Variants in CACHD1 observed in about 807,000 individuals in gnomAD.
CACHD1 encodes VWFA and cache domain-containing protein 1.
Under a neutral mutation model 138.7 loss-of-function variants are expected in CACHD1, and 71 were observed. The ratio of observed to expected loss-of-function variants is 0.51; its 90% CI spans 0.42 to 0.62. CACHD1 has a LOEUF of 0.62. Ranked by LOEUF, CACHD1 falls within the 20% of genes least tolerant of loss-of-function variation. The probability of loss-of-function intolerance (pLI) is 0.00; values close to 1 mark genes in which losing one functional copy is unlikely to be tolerated. For missense variants in CACHD1, 1,389 were observed against 1,625.3 expected, an observed-to-expected ratio of 0.85 and a Z score of 2.50; for synonymous variants, 578 against 591.5, an observed-to-expected ratio of 0.98 and a Z score of 0.33.
chr1:64,671,054 C>T (rs150282568), intron 16 of CACHD1, among the ~76,000 whole-genome samples: 43 of 152,224 alleles, frequency 2.8e-4, no homozygotes, highest in Middle Eastern at 3.4e-3. Flanking sequence ...TAGAGTCAAC[C>T]TTAATGTTGT....
chr1:64,594,824 C>CT (rs1557510731), intron 3 of CACHD1, among the ~76,000 whole-genome samples: 1 of 152,180 alleles, frequency 6.6e-6, no homozygotes, highest in African/African-American at 2.4e-5. Flanking sequence ...GAAAAGCAAC[C>CT]TTTTTGTGCA....
Position 64,673,378 on chromosome 1 carries a change from C to T in CACHD1, c.2641C>T (p.His881Tyr), listed in dbSNP as rs147667533. The T allele has an allele frequency of 6.2e-7, 1 of 1,614,124 alleles. No homozygotes were observed. The highest frequency in any genetic ancestry group is 8.5e-7 in the Non-Finnish European group (1 of 1,180,000). Residue 881 changes from histidine (H) to tyrosine (Y), a missense_variant, in exon 19 of 27, where the codon CAC (histidine) becomes TAC (tyrosine). Coordinates refer to ENST00000651257, the MANE Select transcript of CACHD1 (RefSeq NM_020925.4). ...CCTGGTAGCAAATGATATCCTCAAC[C>T]ACCCCAACTTTGTAAAGAAAAACCT... is the stretch of plus-strand genomic sequence containing the variant. ...EPLVANDILN[H>Y]PNFVKKNLCN... is the part of the protein sequence containing the mutation.
rs1292087863 is a variant in CACHD1 at position 64,643,035 on chromosome 1, CTAAAAA to C, written c.1156+1067_1156+1072del. On this transcript the variant is annotated intron_variant, in intron 8 of 26. Coordinates refer to ENST00000651257, the MANE Select transcript of CACHD1 (RefSeq NM_020925.4). ...GCCTGGTGACAGAGCAAGACTCTGT[CTAAAAA>C]AAAAAAAAAAAAAAAAAAAAAAAAA... Among the ~76,000 whole-genome samples, 11 of 41,484 alleles carry C rather than the reference CTAAAAA, an allele frequency of 2.7e-4. 1 individual carries two copies. Among genetic ancestry groups the C allele is most frequent in the African/African-American group, 1.4e-3 (11 of 7,924 alleles). 27.2% of individuals were successfully genotyped at this position (41,484 alleles called of 152,430 possible).
At position 64,567,824 on chromosome 1, in the gene CACHD1, A is replaced by G. The variant is rs569159018; in HGVS notation, c.262-14332A>G. On this transcript the variant is annotated intron_variant, in intron 2 of 26. Coordinates refer to ENST00000651257, the MANE Select transcript of CACHD1 (RefSeq NM_020925.4). ...ATAAATAATATGTCTAAACAATGTAAGTACTATGATGAAAACTTAGCTGCT... is the reference window on the plus strand; with the variant it reads ...ATAAATAATATGTCTAAACAATGTAGGTACTATGATGAAAACTTAGCTGCT... 2.0e-5 allele frequency among the ~76,000 whole-genome samples: 3 copies of G among 152,330 alleles called. No individual in the cohort carries two copies. In the East Asian group the frequency reaches 5.8e-4, roughly 29 times the overall value.
chr1:64,633,229 A>C, intron 6 of CACHD1, among the ~76,000 whole-genome samples: 1 of 152,214 alleles, frequency 6.6e-6, no homozygotes, highest in Middle Eastern at 3.2e-3. Context: ...AAACCATTGT[A>C]TGTCAGGGAC....
At chr1:64,516,379 G>C (rs1052085451) in intron 1 of CACHD1, among the ~76,000 whole-genome samples, 2 of 152,138 alleles carry the variant, frequency 1.3e-5, no homozygotes, top group African/African-American at 4.8e-5. Flanking sequence ...CTGTTTTGCT[G>C]ATCTGCCTCA....
intron 2 of CACHD1, among the ~76,000 whole-genome samples, chr1:64,564,875 G>C (rs7515685): frequency 0.76 from 114,606 of 151,366 alleles, 46,178 homozygotes; most frequent in Non-Finnish European, 0.89. Flanking sequence ...AAGAAAGCTT[G>C]AGTGTGTTCT....
chr1:64,515,786 T>C (rs1646454352), intron 1 of CACHD1, among the ~76,000 whole-genome samples: 1 of 152,154 alleles, frequency 6.6e-6, no homozygotes, highest in African/African-American at 2.4e-5. Flanking sequence ...GAAATTAAAC[T>C]AACATGCTAA....
chr1:64,648,065 A>AGGGGAAAAGAG (rs1257702975), intron 9 of CACHD1, 31 bp downstream of exon 9: 17 of 1,538,488 alleles, frequency 1.1e-5, no homozygotes, highest in Middle Eastern at 1.7e-4. Flanking sequence ...TTTTAAAGGA[A>AGGGGAAAAGAG]GGGGAAAAGA....
At chr1:64,494,336 TCTAA>T (rs1266533148) in intron 1 of CACHD1, among the ~76,000 whole-genome samples, 2 of 152,216 alleles carry the variant, frequency 1.3e-5, no homozygotes. Flanking sequence ...TCTCATCTTT[TCTAA>T]CTATCTTCCC....
chr1:64,679,773 C>T lies in CACHD1; in HGVS notation c.3406+17C>T, dbSNP rs755941899. 45 of 1,612,226 alleles carry T rather than the reference C, an allele frequency of 2.8e-5. No homozygotes were observed. Among genetic ancestry groups the T allele is most frequent in the Non-Finnish European group, 3.6e-5 (42 of 1,179,640 alleles). On this transcript the variant is annotated intron_variant, in intron 24 of 26. Transcript: ENST00000651257. ...CTGCCCAAGGTGAGCTCAAAATGAACCCCACAGGGGAGGCAGCAGCCAGGC... is the reference window on the plus strand; with the variant it reads ...CTGCCCAAGGTGAGCTCAAAATGAATCCCACAGGGGAGGCAGCAGCCAGGC...
At chr1:64,640,258 C>T (rs1359314536) in intron 7 of CACHD1, among the ~76,000 whole-genome samples, 1 of 152,168 alleles carries the variant, frequency 6.6e-6, no homozygotes, top group Non-Finnish European at 1.5e-5. Context: ...TTTGAGGTTG[C>T]CTGCCGCAGT....
intron 26 of CACHD1, among the ~76,000 whole-genome samples, chr1:64,685,858 G>GA (rs372528228): frequency 0.012 from 1,717 of 144,934 alleles, 37 homozygotes; most frequent in African/African-American, 0.037. Flanking sequence ...AAAAAAAAAA[G>GA]AAAAAAAAAA....
At chr1:64,645,004 C>G (rs935132283) in intron 8 of CACHD1, among the ~76,000 whole-genome samples, 6 of 152,088 alleles carry the variant, frequency 3.9e-5, no homozygotes, top group Admixed American at 3.3e-4. Flanking sequence ...GGCTGAGGCA[C>G]AAGAATCGCT....
chr1:64,634,018 G>GTTTTTTTTTTTTTTTTTTTTTTT, intron 6 of CACHD1, 26 bp from the exon 7 acceptor site: 1 of 1,204,898 alleles, frequency 8.3e-7, no homozygotes, highest in Non-Finnish European at 1.1e-6. Context: ...AAGTTTGGTG[G>GTTTTTTTTTTTTTTTTTTTTTTT]TTTTTTTTTT....
chr1:64,691,113 A>C (rs188290285), intron 26 of CACHD1, among the ~76,000 whole-genome samples: 2 of 150,100 alleles, frequency 1.3e-5, no homozygotes, highest in East Asian at 3.9e-4. Context: ...TTATGTATTT[A>C]TTGTGTCATT....
At chr1:64,668,152 C>T (rs1039759184) in intron 16 of CACHD1, among the ~76,000 whole-genome samples, 1 of 151,994 alleles carries the variant, frequency 6.6e-6, no homozygotes, top group Non-Finnish European at 1.5e-5. Flanking sequence ...CATGGTGAAA[C>T]CCCGTCTGTA....
At chr1:64,493,353 G>A (rs928140569) in intron 1 of CACHD1, among the ~76,000 whole-genome samples, 2 of 152,240 alleles carry the variant, frequency 1.3e-5, no homozygotes, top group African/African-American at 2.4e-5. Context: ...TGAAGCCAGT[G>A]TGATGACCCA....
At chr1:64,562,705 G>A (rs560885543) in intron 2 of CACHD1, among the ~76,000 whole-genome samples, 2 of 152,070 alleles carry the variant, frequency 1.3e-5, no homozygotes, top group African/African-American at 4.8e-5. Context: ...ACAGGAGTGA[G>A]CCACTGTGCC....
Sources: allele counts gnomAD v4.1 joint callset (sites outside exome capture counted in the v4.1 genomes callset), GRCh38; gene constraint gnomAD v4.1.1; transcripts MANE v1.5; gene names NCBI Gene and HGNC (gene_info 2026-07-23, HGNC 2026-07-21).